HS6ST3: variants seen among roughly 807,000 people sequenced by gnomAD.
HS6ST3 encodes the protein heparan-sulfate 6-O-sulfotransferase 3.
HS6ST3 carries 12 observed loss-of-function variants against 36.7 expected under a neutral mutation model. The ratio of observed to expected loss-of-function variants is 0.33; its 90% CI spans 0.21 to 0.53. The LOEUF (loss-of-function observed/expected upper bound fraction) is 0.53. HS6ST3 is among the 20% of genes least tolerant of loss of function. HS6ST3 has a pLI of 0.95. For synonymous variants in HS6ST3, 240 were observed against 257.5 expected, an observed-to-expected ratio of 0.93 and a Z score of 0.65; for missense variants, 584 against 640.9, an observed-to-expected ratio of 0.91 and a Z score of 0.96.
At chr13:96,270,948 C>T (rs1354124059) in intron 1 of HS6ST3, among the ~76,000 whole-genome samples, 3 of 151,902 alleles carry the variant, frequency 2.0e-5, no homozygotes, top group Non-Finnish European at 4.4e-5. Context: ...ACTCAAGTAC[C>T]GTTTCTTCCA....
chr13:96,550,087 A>C (rs1259937311), intron 1 of HS6ST3, among the ~76,000 whole-genome samples: 3 of 152,192 alleles, frequency 2.0e-5, no homozygotes, highest in Non-Finnish European at 2.9e-5. Flanking sequence ...AATGGTGAGC[A>C]TTATGGATGT....
chr13:96,613,729 TC>T (rs1394706337), intron 1 of HS6ST3, among the ~76,000 whole-genome samples: 1 of 152,234 alleles, frequency 6.6e-6, no homozygotes, highest in African/African-American at 2.4e-5. Context: ...TATTGTAAAC[TC>T]AGCAGTAAAT....
chr13:96,199,141 A>G (rs2054329074), intron 1 of HS6ST3, among the ~76,000 whole-genome samples: 1 of 152,216 alleles, frequency 6.6e-6, no homozygotes, highest in Admixed American at 6.5e-5. Flanking sequence ...CCCATGATGC[A>G]GTTACCTCCT....
intron 1 of HS6ST3, among the ~76,000 whole-genome samples, chr13:96,524,927 A>G (rs756301906): frequency 3.9e-4 from 59 of 152,052 alleles, no homozygotes; most frequent in Non-Finnish European, 6.9e-4. Flanking sequence ...GAAATCACCC[A>G]TCTTCTGCGT....
intron 1 of HS6ST3, among the ~76,000 whole-genome samples, chr13:96,277,890 A>G (rs2054756024): frequency 6.6e-6 from 1 of 152,204 alleles, no homozygotes; most frequent in Non-Finnish European, 1.5e-5. Flanking sequence ...GTTGTCAGCT[A>G]TGGGAAAAAT....
intron 1 of HS6ST3, among the ~76,000 whole-genome samples, chr13:96,523,499 C>T (rs900271965): frequency 1.3e-4 from 20 of 152,198 alleles, no homozygotes; most frequent in Admixed American, 8.5e-4. Flanking sequence ...CTTTCAGGTA[C>T]ACCAGTCAAA....
At chr13:96,326,650 G>T (rs891070030) in intron 1 of HS6ST3, among the ~76,000 whole-genome samples, 1 of 152,092 alleles carries the variant, frequency 6.6e-6, no homozygotes, top group Non-Finnish European at 1.5e-5. Context: ...GTGTGCATGT[G>T]TCTTTTATAG....
At chr13:96,351,373 G>C (rs946132523) in intron 1 of HS6ST3, among the ~76,000 whole-genome samples, 1 of 148,990 alleles carries the variant, frequency 6.7e-6, no homozygotes, top group Admixed American at 6.7e-5. Context: ...CCAGGCTGGA[G>C]TGCAGTGGCA....
At chr13:96,583,691 T>C (rs2056350631) in intron 1 of HS6ST3, among the ~76,000 whole-genome samples, 1 of 152,162 alleles carries the variant, frequency 6.6e-6, no homozygotes. Context: ...CTAGGCCTTT[T>C]GAACTTGCTG....
intron 1 of HS6ST3, among the ~76,000 whole-genome samples, chr13:96,149,289 G>A (rs139060506): frequency 1.9e-4 from 29 of 152,124 alleles, no homozygotes; most frequent in South Asian, 1.0e-3. Context: ...TGCCTGCTTC[G>A]TTATGCTGTG....
chr13:96,443,298 A>C (rs1461978093), intron 1 of HS6ST3, among the ~76,000 whole-genome samples: 1 of 152,078 alleles, frequency 6.6e-6, no homozygotes, highest in Non-Finnish European at 1.5e-5. Context: ...TGGGAGGCTG[A>C]GGCGGGCGGA....
At chr13:96,330,617 T>G (rs1327065902) in intron 1 of HS6ST3, among the ~76,000 whole-genome samples, 1,805 of 151,034 alleles carry the variant, frequency 0.012, 16 homozygotes, top group South Asian at 0.042. Context: ...CCCTTAACAT[T>G]TTTTCCTTCA....
chr13:96,651,641 T>C (rs2056608067), intron 1 of HS6ST3, among the ~76,000 whole-genome samples: 1 of 152,068 alleles, frequency 6.6e-6, no homozygotes, highest in Non-Finnish European at 1.5e-5. Flanking sequence ...CAAGTAACAT[T>C]TTCCTATGTC....
chr13:96,193,894 G>A (rs1265309176), intron 1 of HS6ST3, among the ~76,000 whole-genome samples: 3 of 152,032 alleles, frequency 2.0e-5, no homozygotes, highest in African/African-American at 7.2e-5. Flanking sequence ...TAATACTTTG[G>A]GTAATCTGCT....
chr13:96,239,488 A>G (rs934183977), intron 1 of HS6ST3, among the ~76,000 whole-genome samples: 2 of 152,214 alleles, frequency 1.3e-5, no homozygotes, highest in Admixed American at 6.5e-5. Flanking sequence ...TAATAAGGCA[A>G]ACAGTGTTGG....
chr13:96,522,369 C>T (rs1299870378), intron 1 of HS6ST3, among the ~76,000 whole-genome samples: 1 of 152,090 alleles, frequency 6.6e-6, no homozygotes, highest in East Asian at 1.9e-4. Flanking sequence ...ATTAGGTCTG[C>T]TTGGTCCAGA....
At chr13:96,651,188 A>C (rs1566420811) in intron 1 of HS6ST3, among the ~76,000 whole-genome samples, 1 of 152,022 alleles carries the variant, frequency 6.6e-6, no homozygotes, top group Non-Finnish European at 1.5e-5. Context: ...TTGAGCTCCT[A>C]CTATATGCCA....
intron 1 of HS6ST3, among the ~76,000 whole-genome samples, chr13:96,331,843 C>T (rs1317073499): frequency 5.9e-5 from 9 of 152,220 alleles, no homozygotes; most frequent in South Asian, 2.1e-4. Context: ...ACTCCGTGGG[C>T]GCAGGACCCT....
Position 96,736,259 on chromosome 13 carries a change from C to T in HS6ST3, c.708-96231C>T, listed in dbSNP as rs888236310. 4.6e-5 allele frequency among the ~76,000 whole-genome samples: 7 copies of T among 152,106 alleles called. No homozygotes were observed. The South Asian group carries it at 1.5e-3, about 32-fold the overall frequency. ...GTTAAAAAAACAAACAAACAAGTGA[C>T]CAACAAAGAGAAGAAGTCACAGGAT... is the stretch of plus-strand genomic sequence containing the variant. On this transcript the variant is annotated intron_variant, in intron 1 of 1. Coordinates refer to ENST00000376705, the MANE Select transcript of HS6ST3 (RefSeq NM_153456.4).
Sources: allele counts gnomAD v4.1 joint callset (sites outside exome capture counted in the v4.1 genomes callset), GRCh38; gene constraint gnomAD v4.1.1; transcripts MANE v1.5; gene names NCBI Gene and HGNC (gene_info 2026-07-23, HGNC 2026-07-21).